The following CADM2 variants were observed in gnomAD, a reference collection of about 807,000 sequenced individuals.
The protein encoded by CADM2 is immunoglobulin superfamily member 4D.
In CADM2, 12 loss-of-function variants were observed where a neutral mutation model predicts 49.8. That is an observed-to-expected ratio of 0.24 (90% CI 0.15 to 0.39). The LOEUF is 0.39. Among genes scored for constraint, CADM2 ranks in the 10% least tolerant of loss-of-function variants. The probability of loss-of-function intolerance (pLI) is 1.00; values close to 1 mark genes in which losing one functional copy is unlikely to be tolerated. For synonymous variants in CADM2, 214 were observed against 175.4 expected (o/e 1.22, Z -1.74); for missense variants, 378 against 492.3 (o/e 0.77, Z 2.20).
At chr3:85,404,572 C>A (rs954816115) in intron 1 of CADM2, among the ~76,000 whole-genome samples, 1 of 151,928 alleles carries the variant, frequency 6.6e-6, no homozygotes, top group African/African-American at 2.4e-5. Context: ...CTATTAATTT[C>A]AGGAAAAATA....
intron 1 of CADM2, among the ~76,000 whole-genome samples, chr3:85,659,350 AC>A (rs2065324799): frequency 6.6e-6 from 1 of 151,978 alleles, no homozygotes; most frequent in African/African-American, 2.4e-5. Flanking sequence ...AACAACTAAA[AC>A]TTGAAGATGC....
intron 1 of CADM2, among the ~76,000 whole-genome samples, chr3:85,344,380 AAAATAAATAAAT>A (rs74850280): frequency 0.038 from 5,366 of 140,308 alleles, 332 homozygotes; most frequent in African/African-American, 0.13. Context: ...ACACCATCTC[AAAATAAATAAAT>A]AAATAAATAA....
At chr3:85,125,570 C>T (rs180765778) in intron 1 of CADM2, among the ~76,000 whole-genome samples, 3 of 152,178 alleles carry the variant, frequency 2.0e-5, no homozygotes, top group East Asian at 1.9e-4. Context: ...ATGTGGCCCA[C>T]GCTGGTCTGG....
At chr3:85,178,418 A>T (rs1162304240) in intron 1 of CADM2, among the ~76,000 whole-genome samples, 2 of 151,880 alleles carry the variant, frequency 1.3e-5, no homozygotes, top group East Asian at 3.8e-4. Flanking sequence ...TTGTTTGTTG[A>T]ATTGCTTTCT....
At chr3:85,554,201 A>T (rs13097403) in intron 1 of CADM2, among the ~76,000 whole-genome samples, 1 of 152,102 alleles carries the variant, frequency 6.6e-6, no homozygotes, top group Admixed American at 6.6e-5. Context: ...CATTAGTTAG[A>T]TTCTCGTAAG....
intron 1 of CADM2, among the ~76,000 whole-genome samples, chr3:85,283,824 A>C (rs2043562421): frequency 6.6e-6 from 1 of 152,154 alleles, no homozygotes; most frequent in Non-Finnish European, 1.5e-5. Flanking sequence ...AATTTGAGGA[A>C]TACCAAGTAT....
chr3:85,182,823 A>G (rs1216467461), intron 1 of CADM2, among the ~76,000 whole-genome samples: 1 of 152,182 alleles, frequency 6.6e-6, no homozygotes, highest in African/African-American at 2.4e-5. Context: ...AATTCTCTGT[A>G]TATTTTTTCT....
intron 1 of CADM2, among the ~76,000 whole-genome samples, chr3:85,563,564 G>A (rs1159242916): frequency 6.6e-6 from 1 of 152,088 alleles, no homozygotes; most frequent in Non-Finnish European, 1.5e-5. Context: ...TGAAACTCAT[G>A]ACTCCTTTGA....
At position 85,177,540 on chromosome 3, in the gene CADM2, A is replaced by G. The variant is rs2040817923; in HGVS notation, c.61+217872A>G. Among the ~76,000 whole-genome samples, 11 of 152,110 alleles carry G rather than the reference A, an allele frequency of 7.2e-5. No individual in the cohort carries two copies. The South Asian group carries it at 2.1e-3, about 29-fold the overall frequency. ...ATAATGTATAAAAATAGACATATAG[A>G]AAGTCTAAATATGAATGAAAATGAT... On this transcript the variant is annotated intron_variant, in intron 1 of 9. Transcript: ENST00000383699.
At chr3:85,386,311 T>A (rs1232335053) in intron 1 of CADM2, among the ~76,000 whole-genome samples, 1 of 152,108 alleles carries the variant, frequency 6.6e-6, no homozygotes, top group Non-Finnish European at 1.5e-5. Flanking sequence ...GGTCCAACCT[T>A]AGCAAAGAGA....
intron 1 of CADM2, among the ~76,000 whole-genome samples, chr3:85,229,175 T>C (rs1276712417): frequency 6.6e-6 from 1 of 152,182 alleles, no homozygotes; most frequent in Non-Finnish European, 1.5e-5. Flanking sequence ...AGCTCGTGAA[T>C]TCCAGGTCAA....
chr3:85,049,347 A>ATTTATTTG (rs1164447396), intron 1 of CADM2, among the ~76,000 whole-genome samples: 2 of 151,158 alleles, frequency 1.3e-5, no homozygotes, highest in African/African-American at 4.9e-5. Flanking sequence ...TTATTTATTT[A>ATTTATTTG]TTTATTTATT....
intron 8 of CADM2, among the ~76,000 whole-genome samples, chr3:86,039,939 C>T (rs1735653618): frequency 6.6e-6 from 1 of 152,162 alleles, no homozygotes; most frequent in Admixed American, 6.5e-5. Context: ...ATCCGCTGGT[C>T]TGCAGCCTCT....
At chr3:85,879,484 C>T (rs35498642) in intron 3 of CADM2, among the ~76,000 whole-genome samples, 48,218 of 151,746 alleles carry the variant, frequency 0.32, 8,781 homozygotes, top group East Asian at 0.42. Context: ...AGAATTTTCC[C>T]AAAGGCTATA....
chr3:85,929,463 A>T (rs150602279), intron 6 of CADM2, among the ~76,000 whole-genome samples: 2 of 152,022 alleles, frequency 1.3e-5, no homozygotes, highest in African/African-American at 2.4e-5. Context: ...TGTAAGGAAA[A>T]GTTTGGATGA....
chr3:85,277,133 G>A (rs1447366036), intron 1 of CADM2, among the ~76,000 whole-genome samples: 2 of 151,212 alleles, frequency 1.3e-5, no homozygotes, highest in Non-Finnish European at 1.5e-5. Context: ...GAATAGACAG[G>A]AACTGATGAT....
At chr3:85,284,775 T>C (rs2043586963) in intron 1 of CADM2, among the ~76,000 whole-genome samples, 1 of 152,064 alleles carries the variant, frequency 6.6e-6, no homozygotes, top group Non-Finnish European at 1.5e-5. Flanking sequence ...TTGTAGGACC[T>C]TGTAGGCTAT....
chr3:85,005,707 GT>G (rs902929325), intron 1 of CADM2, among the ~76,000 whole-genome samples: 7 of 150,970 alleles, frequency 4.6e-5, no homozygotes, highest in East Asian at 2.0e-4. Flanking sequence ...AAAAAATACA[GT>G]TTTTTTTTCT....
chr3:85,623,396 T>G (rs973258089), intron 1 of CADM2, among the ~76,000 whole-genome samples: 14 of 152,172 alleles, frequency 9.2e-5, no homozygotes, highest in African/African-American at 2.9e-4. Context: ...AGATTCTTGA[T>G]TCGTTTTATT....
Sources: allele counts gnomAD v4.1 joint callset (sites outside exome capture counted in the v4.1 genomes callset), GRCh38; gene constraint gnomAD v4.1.1; transcripts MANE v1.5; gene names NCBI Gene and HGNC (gene_info 2026-07-23, HGNC 2026-07-21).